The following MYO9A variants were observed in gnomAD, a reference collection of about 807,000 sequenced individuals.
MYO9A encodes unconventional myosin-IXa.
MYO9A carries 103 observed loss-of-function variants against 293.3 expected under a neutral mutation model. The ratio of observed to expected loss-of-function variants is 0.35; its 90% confidence interval spans 0.30 to 0.41. MYO9A has a LOEUF of 0.41. MYO9A is among the 10% of genes least tolerant of loss of function. The probability of loss-of-function intolerance (pLI) is 1.00; values close to 1 mark genes in which losing one functional copy is unlikely to be tolerated. For synonymous variants in MYO9A, 1,001 were observed against 1,035.7 expected, an observed-to-expected ratio of 0.97 and a Z score of 0.64; for missense variants, 2,685 against 3,033.0, an observed-to-expected ratio of 0.89 and a Z score of 2.69.
At chr15:71,924,918 C>CAA (rs1165713559) in intron 18 of MYO9A, among the ~76,000 whole-genome samples, 1 of 135,014 alleles carries the variant, frequency 7.4e-6, no homozygotes, top group African/African-American at 2.7e-5. Context: ...AACTTAGTCT[C>CAA]AAAAAAAAAA....
chr15:71,848,501 C>T (rs557236893), intron 39 of MYO9A, among the ~76,000 whole-genome samples: 4 of 151,918 alleles, frequency 2.6e-5, no homozygotes, highest in African/African-American at 7.2e-5. Context: ...CGATTAAAGG[C>T]GGGAACAGAC....
chr15:72,082,228 T>C (rs1001386678), intron 1 of MYO9A, among the ~76,000 whole-genome samples: 1 of 152,148 alleles, frequency 6.6e-6, no homozygotes, highest in African/African-American at 2.4e-5. Flanking sequence ...GTTCTCCTTG[T>C]AGATATCTTT....
At chr15:71,872,633 T>TATA (rs1288727981) in intron 32 of MYO9A, among the ~76,000 whole-genome samples, 1 of 152,122 alleles carries the variant, frequency 6.6e-6, no homozygotes, top group Non-Finnish European at 1.5e-5. Context: ...TCTGAATGGA[T>TATA]ATAATATAAA....
chr15:71,848,244 T>C (rs1262513801), intron 39 of MYO9A, among the ~76,000 whole-genome samples: 1 of 151,364 alleles, frequency 6.6e-6, no homozygotes, highest in Non-Finnish European at 1.5e-5. Flanking sequence ...CATTGAGAAC[T>C]GGAGTTATAT....
intron 11 of MYO9A, among the ~76,000 whole-genome samples, chr15:71,984,422 C>T (rs916084732): frequency 6.6e-6 from 1 of 152,146 alleles, no homozygotes; most frequent in African/African-American, 2.4e-5. Context: ...TTGTATTTAA[C>T]ATGCCTTGGA....
intron 25 of MYO9A, among the ~76,000 whole-genome samples, chr15:71,896,568 T>C (rs1248703157): frequency 2.6e-5 from 4 of 151,934 alleles, no homozygotes; most frequent in African/African-American, 9.7e-5. Context: ...TCACCTGAGG[T>C]CAGGAGTTCG....
chr15:72,041,390 A>G, intron 2 of MYO9A: 1 of 441,066 alleles, frequency 2.3e-6, no homozygotes, highest in Non-Finnish European at 4.4e-6. Context: ...GTTGATAATC[A>G]TGTCTCTGAA....
intron 1 of MYO9A, among the ~76,000 whole-genome samples, chr15:72,055,299 A>C (rs942296054): frequency 6.6e-6 from 1 of 152,194 alleles, no homozygotes; most frequent in South Asian, 2.1e-4. Context: ...ATGTAGAATG[A>C]AAACCTCTCA....
At position 71,903,074 on chromosome 15, in the gene MYO9A, A is replaced by G; in HGVS notation, c.2878-11T>C. 2 of 1,573,828 alleles carry G rather than the reference A, an allele frequency of 1.3e-6. No individual in the cohort carries two copies. The highest frequency in any genetic ancestry group is 2.3e-5 in the East Asian group (1 of 44,334). ...GTGGCTCACAAAATCCTGAAAAATA[A>G]TTTAAAAATATTGTAAAATCAGAAA... On this transcript the variant is annotated splice_polypyrimidine_tract_variant and intron_variant, in intron 21 of 41. Transcript: ENST00000356056.
At chr15:72,059,044 G>A (rs2078803755) in intron 1 of MYO9A, among the ~76,000 whole-genome samples, 1 of 152,146 alleles carries the variant, frequency 6.6e-6, no homozygotes, top group Admixed American at 6.5e-5. Context: ...TTTATCAAAT[G>A]TTAATATGAA....
At chr15:72,098,077 T>A (rs1261430852) in intron 1 of MYO9A, among the ~76,000 whole-genome samples, 1 of 152,144 alleles carries the variant, frequency 6.6e-6, no homozygotes, top group Non-Finnish European at 1.5e-5. Context: ...CACACCAGCA[T>A]ATACCCCATC....
At chr15:72,080,051 C>T (rs1185857454) in intron 1 of MYO9A, among the ~76,000 whole-genome samples, 1 of 152,074 alleles carries the variant, frequency 6.6e-6, no homozygotes, top group East Asian at 1.9e-4. Flanking sequence ...TAATGCCATC[C>T]CTACAAAGAC....
intron 18 of MYO9A, among the ~76,000 whole-genome samples, chr15:71,927,110 G>A (rs750462194): frequency 3.9e-5 from 6 of 152,190 alleles, no homozygotes; most frequent in Non-Finnish European, 7.4e-5. Flanking sequence ...CACAGGAGCT[G>A]CACTGTCAGG....
At chr15:71,907,089 C>G (rs1219671647) in intron 19 of MYO9A, among the ~76,000 whole-genome samples, 2 of 137,214 alleles carry the variant, frequency 1.5e-5, no homozygotes, top group Non-Finnish European at 3.1e-5. Context: ...GCTATCCCTC[C>G]CCCCTCCCCC....
chr15:71,893,084 T>G, intron 26 of MYO9A: 1 of 1,290,064 alleles, frequency 7.8e-7, no homozygotes, highest in Non-Finnish European at 1.0e-6. Flanking sequence ...TCTTCCTCTG[T>G]ATCCCCCTCC....
In MYO9A at chr15:72,073,065, G is replaced by C. The variant is rs28701136; in HGVS notation, c.-71-26431C>G. ...TTCCCTTTAAGACCAGTCATGGTTA[G>C]TAATCAATTCTTACTGAATCATCCT... On this transcript the variant is annotated intron_variant, in intron 1 of 41. Coordinates refer to ENST00000356056, the MANE Select transcript of MYO9A (RefSeq NM_006901.4). Among the ~76,000 whole-genome samples, 857 of 152,256 alleles carry C rather than the reference G, an allele frequency of 5.6e-3. 11 individuals carry two copies. Among genetic ancestry groups the C allele is most frequent in the African/African-American group, 0.02 (811 of 41,544 alleles).
intron 14 of MYO9A, among the ~76,000 whole-genome samples, chr15:71,955,329 A>G (rs1430994410): frequency 6.6e-6 from 1 of 152,078 alleles, no homozygotes; most frequent in Non-Finnish European, 1.5e-5. Context: ...GGGTTTCTCC[A>G]TGTTGGTCAG....
At position 72,046,607 on chromosome 15, in the gene MYO9A, C is replaced by A; in HGVS notation, c.-44G>T. 6.8e-7 allele frequency: 1 copy of A among 1,463,798 alleles called. No individual in the cohort carries two copies. The highest frequency in any genetic ancestry group is 1.6e-5 in the South Asian group (1 of 61,580). 90.7% of individuals were successfully genotyped at this position (1,463,798 alleles called of 1,614,324 possible). On this transcript the variant is annotated 5_prime_UTR_variant, in exon 2 of 42. Transcript: ENST00000356056. ...AGCATGGATAGTATATGTTCAAAGT[C>A]GTGCAAACCATTTTCTTGGTAAAAT...
At chr15:72,085,194 A>G (rs147681247) in intron 1 of MYO9A, among the ~76,000 whole-genome samples, 1 of 152,126 alleles carries the variant, frequency 6.6e-6, no homozygotes, top group Non-Finnish European at 1.5e-5. Context: ...AGAGATCGAG[A>G]CCAGCCTGGC....
Sources: allele counts gnomAD v4.1 joint callset (sites outside exome capture counted in the v4.1 genomes callset), GRCh38; gene constraint gnomAD v4.1.1; transcripts MANE v1.5; gene names NCBI Gene and HGNC (gene_info 2026-07-23, HGNC 2026-07-21).